FAM168B: variants seen among roughly 807,000 people sequenced by gnomAD.
The protein encoded by FAM168B is family with sequence similarity 168 member B.
In FAM168B, 19 loss-of-function variants were observed where a neutral mutation model predicts 21.8. The ratio of observed to expected loss-of-function variants is 0.87; its 90% CI spans 0.61 to 1.28. The LOEUF (loss-of-function observed/expected upper bound fraction) is 1.28. Among genes scored for constraint, FAM168B ranks in the 50% most tolerant of loss-of-function variants. The pLI, the probability that FAM168B is intolerant of heterozygous loss-of-function variation, is 0.00. For missense variants in FAM168B, 233 were observed against 263.1 expected (o/e 0.89, Z 0.79); for synonymous variants, 126 against 104.8 (o/e 1.20, Z -1.24).
Position 131,049,006 on chromosome 2 carries a change from C to T in FAM168B, c.*3459G>A. On this transcript the variant is annotated 3_prime_UTR_variant, in exon 7 of 7. Transcript: ENST00000389915. ...AATGTTTAAAAAGGACAGGTGAAGT[C>T]TGGGTCTCCTTTTTTAAAGCAGACA... is the stretch of plus-strand genomic sequence containing the variant. 1 of 985,554 alleles carries T rather than the reference C, an allele frequency of 1.0e-6. No individual in the cohort carries two copies. The highest frequency in any genetic ancestry group is 4.7e-5 in the South Asian group (1 of 21,290). 61.1% of individuals were successfully genotyped at this position (985,554 alleles called of 1,614,324 possible).
intron 3 of FAM168B, among the ~76,000 whole-genome samples, chr2:131,070,272 AAAC>A (rs1447936839): frequency 1.3e-5 from 2 of 152,248 alleles, no homozygotes; most frequent in African/African-American, 4.8e-5. Context: ...AACGATAAGA[AAAC>A]AATAACTGAC....
Position 131,051,348 on chromosome 2 carries a change from A to G in FAM168B, c.*1117T>C, listed in dbSNP as rs1405339019. On this transcript the variant is annotated 3_prime_UTR_variant, in exon 7 of 7. Coordinates refer to ENST00000389915, the MANE Select transcript of FAM168B (RefSeq NM_001009993.4). ...ACAAGAAATTGGAGGAATTTTAAAT[A>G]AAGTTTTGTTCCCTTTTAACTCATT... is the stretch of plus-strand genomic sequence containing the variant. 4 of 985,250 alleles carry G rather than the reference A, an allele frequency of 4.1e-6. No homozygotes were observed. The highest frequency in any genetic ancestry group is 4.8e-6 in the Non-Finnish European group (4 of 829,916). The allele number at this position is 985,250 out of a possible 1,614,324, so 61.0% of individuals were successfully genotyped here. A position where few individuals can be genotyped will look rare whatever the true frequency, so the allele number is the denominator to read the frequency against.
chr2:131,075,925 C>G (rs1193620801), intron 2 of FAM168B, among the ~76,000 whole-genome samples: 1 of 152,174 alleles, frequency 6.6e-6, no homozygotes, highest in Non-Finnish European at 1.5e-5. Context: ...TCAAAGACTC[C>G]CAATCTCCTA....
At position 131,049,929 on chromosome 2, in the gene FAM168B, T is replaced by C; in HGVS notation, c.*2536A>G. 3 of 985,558 alleles carry C rather than the reference T, an allele frequency of 3.0e-6. No individual in the cohort carries two copies. Among genetic ancestry groups the C allele is most frequent in the Non-Finnish European group, 3.6e-6 (3 of 829,942 alleles). 61.1% of individuals were successfully genotyped at this position (985,558 alleles called of 1,614,324 possible). ...ACAACCTATGACAGTTTTGTGACTA[T>C]TTCCTAAGTCCAGATTCTTACCTGA... On this transcript the variant is annotated 3_prime_UTR_variant, in exon 7 of 7. Coordinates refer to ENST00000389915, the MANE Select transcript of FAM168B (RefSeq NM_001009993.4).
intron 3 of FAM168B, among the ~76,000 whole-genome samples, chr2:131,062,270 T>C (rs144728486): frequency 0.018 from 2,709 of 152,262 alleles, 41 homozygotes; most frequent in South Asian, 0.053. Flanking sequence ...CCACAAGTGC[T>C]CATCTGGCCC....
chr2:131,079,457 A>G (rs1693325358), intron 2 of FAM168B, among the ~76,000 whole-genome samples: 1 of 152,210 alleles, frequency 6.6e-6, no homozygotes, highest in African/African-American at 2.4e-5. Flanking sequence ...CCTGGGTGAC[A>G]AGAGTGAGAC....
chr2:131,074,066 T>C (rs1419575945), intron 2 of FAM168B, among the ~76,000 whole-genome samples: 1 of 152,202 alleles, frequency 6.6e-6, no homozygotes, highest in Non-Finnish European at 1.5e-5. Context: ...CCCTTCCCTT[T>C]GGGCTGACCC....
At chr2:131,082,328 A>T (rs1183429850) in intron 2 of FAM168B, among the ~76,000 whole-genome samples, 2 of 152,168 alleles carry the variant, frequency 1.3e-5, no homozygotes, top group Non-Finnish European at 2.9e-5. Flanking sequence ...GACCAACACT[A>T]AGTTAATACT....
At position 131,049,242 on chromosome 2, in the gene FAM168B, C is replaced by T; in HGVS notation, c.*3223G>A. ...CATTCATCACAGCCAGATGATGCCACCAGAAAGAGCAAGGTACTGTATGCC... is the reference window on the plus strand; with the variant it reads ...CATTCATCACAGCCAGATGATGCCATCAGAAAGAGCAAGGTACTGTATGCC... On this transcript the variant is annotated 3_prime_UTR_variant, in exon 7 of 7. Transcript: ENST00000389915. 1 of 985,414 alleles carries T rather than the reference C, an allele frequency of 1.0e-6. No homozygotes were observed. The highest frequency in any genetic ancestry group is 1.2e-6 in the Non-Finnish European group (1 of 829,960). 61.0% of individuals were successfully genotyped at this position (985,414 alleles called of 1,614,324 possible).
Position 131,093,321 on chromosome 2 carries a change from A to G in FAM168B, c.-119T>C, listed in dbSNP as rs1323120415. Reference sequence around the variant, plus strand: ...GCGTGCCGAGGAGACCTGCTACGATAAGAGGCTGACCCTCCGAGCCCCGCG... The same window carrying G: ...GCGTGCCGAGGAGACCTGCTACGATGAGAGGCTGACCCTCCGAGCCCCGCG... On this transcript the variant is annotated 5_prime_UTR_variant, in exon 1 of 7. Transcript: ENST00000389915. 1.3e-5 allele frequency: 2 copies of G among 150,250 alleles called. No homozygotes were observed. Among genetic ancestry groups the G allele is most frequent in the Non-Finnish European group, 3.0e-5 (2 of 67,352 alleles). The allele number at this position is 150,250 out of a possible 1,614,324, so 9.3% of individuals were successfully genotyped here. A position where few individuals can be genotyped will look rare whatever the true frequency, so the allele number is the denominator to read the frequency against.
intron 5 of FAM168B, among the ~76,000 whole-genome samples, chr2:131,053,580 A>C (rs929416329): frequency 1.3e-5 from 2 of 152,220 alleles, no homozygotes; most frequent in African/African-American, 4.8e-5. Flanking sequence ...ACCGTACTTA[A>C]AAAGGGTTAA....
intron 6 of FAM168B, among the ~76,000 whole-genome samples, 197 bp downstream of exon 6, chr2:131,052,694 T>G (rs3814392): frequency 0.15 from 23,278 of 152,042 alleles, 2,011 homozygotes; most frequent in South Asian, 0.24. Context: ...GTGTCAACAG[T>G]AGGTATTCAA....
chr2:131,065,835 T>C (rs1048150676), intron 3 of FAM168B, among the ~76,000 whole-genome samples: 7 of 151,164 alleles, frequency 4.6e-5, no homozygotes, highest in Non-Finnish European at 8.9e-5. Flanking sequence ...AAGAAAGCTC[T>C]ACTGTAAACC....
chr2:131,057,605 G>A (rs550950786), intron 3 of FAM168B, among the ~76,000 whole-genome samples: 63 of 152,174 alleles, frequency 4.1e-4, no homozygotes, highest in African/African-American at 1.5e-3. Flanking sequence ...TGGGTGTTTT[G>A]TGCATAAATT....
At chr2:131,084,141 C>G (rs1693564689) in intron 1 of FAM168B, among the ~76,000 whole-genome samples, 1 of 151,756 alleles carries the variant, frequency 6.6e-6, no homozygotes, top group African/African-American at 2.4e-5. Flanking sequence ...ACCTCGTGAT[C>G]CGCCCACCTC....
rs1490347287 is a variant in FAM168B, at chr2:131,049,540, A to C, written c.*2925T>G. ...AGTTCATGGGTCACTGGCTCACACT[A>C]AATGCTCAGCCGCCAGCACAGATCC... is the stretch of plus-strand genomic sequence containing the variant. On this transcript the variant is annotated 3_prime_UTR_variant, in exon 7 of 7. Coordinates refer to ENST00000389915, the MANE Select transcript of FAM168B (RefSeq NM_001009993.4). 1.0e-6 allele frequency: 1 copy of C among 985,446 alleles called. No homozygotes were observed. Among genetic ancestry groups the C allele is most frequent in the African/African-American group, 1.7e-5 (1 of 57,338 alleles). The allele number at this position is 985,446 out of a possible 1,614,324, so 61.0% of individuals were successfully genotyped here. A position where few individuals can be genotyped will look rare whatever the true frequency, so the allele number is the denominator to read the frequency against.
At chr2:131,071,775 T>C (rs550608557) in intron 3 of FAM168B, 80 bp downstream of exon 3, 14 of 1,233,596 alleles carry the variant, frequency 1.1e-5, no homozygotes, top group South Asian at 9.7e-5. Flanking sequence ...CCTAATTCTA[T>C]ACCCACCCCT....
Position 131,051,004 on chromosome 2 carries a change from G to T in FAM168B, c.*1461C>A. 1.0e-6 allele frequency: 1 copy of T among 985,452 alleles called. No homozygotes were observed. Among genetic ancestry groups the T allele is most frequent in the Non-Finnish European group, 1.2e-6 (1 of 829,982 alleles). 61.0% of individuals were successfully genotyped at this position (985,452 alleles called of 1,614,324 possible). A position where few individuals can be genotyped will look rare whatever the true frequency, so the allele number is the denominator to read the frequency against. On this transcript the variant is annotated 3_prime_UTR_variant, in exon 7 of 7. Transcript: ENST00000389915. ...GCATATTTTGGGGGCGGGGTGGAGG[G>T]AAGCCTTTTCATTTCTTATGTACAA... is the stretch of plus-strand genomic sequence containing the variant.
intron 3 of FAM168B, among the ~76,000 whole-genome samples, chr2:131,061,651 A>C (rs1023119878): frequency 2.0e-5 from 3 of 152,100 alleles, no homozygotes; most frequent in Non-Finnish European, 4.4e-5. Context: ...CTTGGTGGCC[A>C]CACGACTGTA....
Sources: gnomAD v4.1 joint callset for allele counts (sites outside exome capture counted in the v4.1 genomes callset) on GRCh38, gnomAD v4.1.1 for gene constraint, MANE v1.5 for transcripts, NCBI Gene and HGNC (gene_info 2026-07-23, HGNC 2026-07-21) for gene names.